BMP5: variants seen among roughly 807,000 people sequenced by gnomAD.
The protein encoded by BMP5 is bone morphogenetic protein 5.
In BMP5, 23 loss-of-function variants were observed where a neutral mutation model predicts 46.6. The observed-to-expected ratio is 0.49, with a 90% CI of 0.35 to 0.70. The LOEUF (loss-of-function observed/expected upper bound fraction) is 0.70, where lower values mean the gene tolerates loss of function less well. Ranked by LOEUF, BMP5 falls within the 30% of genes least tolerant of loss-of-function variation. The pLI, the probability that BMP5 is intolerant of heterozygous loss-of-function variation, is 0.00. For synonymous variants in BMP5, 204 were observed against 191.9 expected (o/e 1.06, Z -0.52); for missense variants, 545 against 565.6 (o/e 0.96, Z 0.37).
At chr6:55,853,213 A>G in intron 1 of BMP5, among the ~76,000 whole-genome samples, 1 of 105,406 alleles carries the variant, frequency 9.5e-6, no homozygotes, top group East Asian at 2.5e-4. Flanking sequence ...AAAATAAAAT[A>G]AAATAAGATA....
intron 1 of BMP5, among the ~76,000 whole-genome samples, chr6:55,846,771 A>G (rs1248276747): frequency 1.3e-5 from 2 of 151,646 alleles, no homozygotes; most frequent in Non-Finnish European, 2.9e-5. Context: ...CAAACATCTG[A>G]TATTTGTATT....
At chr6:55,853,136 CATAAATAAA>C (rs1777287455) in intron 1 of BMP5, among the ~76,000 whole-genome samples, 1 of 104,186 alleles carries the variant, frequency 9.6e-6, no homozygotes, top group Non-Finnish European at 2.1e-5. Context: ...ATCTCAAATA[CATAAATAAA>C]ATAAAATAAA....
At chr6:55,850,161 A>G (rs1054536946) in intron 1 of BMP5, among the ~76,000 whole-genome samples, 1 of 152,100 alleles carries the variant, frequency 6.6e-6, no homozygotes, top group African/African-American at 2.4e-5. Flanking sequence ...AAGTTACTTG[A>G]CTTTTAGCTT....
At position 55,769,119 on chromosome 6, in the gene BMP5, T is replaced by C. The variant is rs183972605; in HGVS notation, c.1027+4930A>G. ...CAGGTTGGTGATTGCTGAAGGTTGA[T>C]GTGGCTGTGGCAATTTCTTAAAAGA... On this transcript the variant is annotated intron_variant, in intron 4 of 6. Coordinates refer to ENST00000370830, the MANE Select transcript of BMP5 (RefSeq NM_021073.4). Among the ~76,000 whole-genome samples the C allele has an allele frequency of 2.0e-3, 306 of 152,076 alleles. 2 individuals carry two copies. Among genetic ancestry groups the C allele is most frequent in the African/African-American group, 6.8e-3 (282 of 41,554 alleles).
At chr6:55,815,165 G>A (rs983755614) in intron 2 of BMP5, among the ~76,000 whole-genome samples, 8 of 145,984 alleles carry the variant, frequency 5.5e-5, no homozygotes, top group African/African-American at 1.5e-4. Flanking sequence ...ATTGAATTAC[G>A]AAGTATGAGT....
intron 4 of BMP5, among the ~76,000 whole-genome samples, chr6:55,770,349 G>A (rs762716195): frequency 1.4e-4 from 22 of 151,818 alleles, no homozygotes; most frequent in Non-Finnish European, 1.9e-4. Context: ...TTCCTTAAAC[G>A]TCATGAACCA....
chr6:55,782,772 G>A (rs887859384), intron 3 of BMP5, among the ~76,000 whole-genome samples: 1 of 152,134 alleles, frequency 6.6e-6, no homozygotes, highest in Admixed American at 6.6e-5. Flanking sequence ...AATTAAGAGA[G>A]AAGCAACAGC....
chr6:55,765,447 G>A (rs370984446), intron 4 of BMP5, among the ~76,000 whole-genome samples: 16 of 152,274 alleles, frequency 1.1e-4, no homozygotes, highest in African/African-American at 3.6e-4. Flanking sequence ...GAAAAAGGAA[G>A]TTGATACCTA....
intron 4 of BMP5, among the ~76,000 whole-genome samples, chr6:55,771,092 C>G (rs1320662528): frequency 6.6e-6 from 1 of 151,740 alleles, no homozygotes; most frequent in Non-Finnish European, 1.5e-5. Flanking sequence ...TAATGCAGGA[C>G]TGCCACAAAA....
chr6:55,840,423 C>T (rs1247997861), intron 1 of BMP5, among the ~76,000 whole-genome samples: 17 of 152,026 alleles, frequency 1.1e-4, no homozygotes. Flanking sequence ...GCATAGATAA[C>T]CTTACTTGAT....
At chr6:55,762,250 T>A (rs1438750580) in intron 4 of BMP5, among the ~76,000 whole-genome samples, 1 of 152,066 alleles carries the variant, frequency 6.6e-6, no homozygotes, top group African/African-American at 2.4e-5. Context: ...GAAATAAAAT[T>A]AAAAAATAAT....
In BMP5 at chr6:55,759,180, A is replaced by C. The variant is rs1426790236; in HGVS notation, c.1105-65T>G. On this transcript the variant is annotated intron_variant, in intron 5 of 6. Coordinates refer to ENST00000370830, the MANE Select transcript of BMP5 (RefSeq NM_021073.4). The stretch of plus-strand genomic sequence containing the variant: ...AAAAAAAAAAAAAAAAAAAAAAAAA[A>C]AAACAACAAGAAAAAATATCACCAA... 21 of 789,888 alleles carry C rather than the reference A, an allele frequency of 2.7e-5. No individual in the cohort carries two copies. The East Asian group carries it at 5.7e-4, about 21-fold the overall frequency. The allele number at this position is 789,888 out of a possible 1,614,324, so 48.9% of individuals were successfully genotyped here.
chr6:55,818,689 G>A (rs999343251), intron 2 of BMP5, among the ~76,000 whole-genome samples: 5 of 152,000 alleles, frequency 3.3e-5, no homozygotes, highest in Admixed American at 1.3e-4. Flanking sequence ...GCACTATTGC[G>A]AAATTCTGCC....
chr6:55,861,571 G>A (rs1221619395), intron 1 of BMP5, among the ~76,000 whole-genome samples: 1 of 152,224 alleles, frequency 6.6e-6, no homozygotes, highest in African/African-American at 2.4e-5. Flanking sequence ...AGTATCTTTG[G>A]TGTCTGCACA....
intron 1 of BMP5, among the ~76,000 whole-genome samples, chr6:55,869,184 C>T (rs1039937144): frequency 1.3e-5 from 2 of 152,158 alleles, no homozygotes; most frequent in African/African-American, 4.8e-5. Context: ...AGACAACCCC[C>T]TCCTTCCCCA....
At chr6:55,838,228 A>G (rs1018016868) in intron 1 of BMP5, among the ~76,000 whole-genome samples, 3 of 152,148 alleles carry the variant, frequency 2.0e-5, no homozygotes, top group African/African-American at 7.2e-5. Flanking sequence ...ACTGTTCTCC[A>G]TAGTGGTTAT....
intron 5 of BMP5, 126 bp from the exon 6 acceptor site, chr6:55,759,241 A>AATATATTG (rs1190271889): frequency 1.6e-6 from 1 of 635,542 alleles, no homozygotes; most frequent in African/African-American, 1.9e-5. Flanking sequence ...AAGTTATTGA[A>AATATATTG]ATATATTGTA....
At chr6:55,872,078 A>G (rs1777800919) in intron 1 of BMP5, among the ~76,000 whole-genome samples, 1 of 151,810 alleles carries the variant, frequency 6.6e-6, no homozygotes, top group African/African-American at 2.4e-5. Flanking sequence ...TTTTCTGAGT[A>G]TGCTTATTTA....
At chr6:55,811,347 T>C (rs1027922988) in intron 2 of BMP5, among the ~76,000 whole-genome samples, 1 of 152,214 alleles carries the variant, frequency 6.6e-6, no homozygotes, top group African/African-American at 2.4e-5. Flanking sequence ...CAGAAATTTA[T>C]ATTCATAGCA....
Sources: gnomAD v4.1 joint callset for allele counts (sites outside exome capture counted in the v4.1 genomes callset) on GRCh38, gnomAD v4.1.1 for gene constraint, MANE v1.5 for transcripts, NCBI Gene and HGNC (gene_info 2026-07-23, HGNC 2026-07-21) for gene names.